Variants in KCTD8 observed in about 807,000 individuals in gnomAD.
KCTD8 encodes the protein BTB/POZ domain-containing protein KCTD8.
KCTD8 carries 27 observed loss-of-function variants against 31.5 expected under a neutral mutation model. The ratio of observed to expected loss-of-function variants is 0.86; its 90% CI spans 0.63 to 1.18. KCTD8 has a LOEUF of 1.18. Ranked by LOEUF, KCTD8 falls within the 50% of genes most tolerant of loss-of-function variation. KCTD8 has a pLI of 0.00. For synonymous variants in KCTD8, 290 were observed against 280.0 expected, an observed-to-expected ratio of 1.04 and a Z score of -0.36; for missense variants, 658 against 647.7, an observed-to-expected ratio of 1.02 and a Z score of -0.17.
At chr4:44,303,914 G>A (rs552509977) in intron 1 of KCTD8, among the ~76,000 whole-genome samples, 1 of 152,218 alleles carries the variant, frequency 6.6e-6, no homozygotes, top group Admixed American at 6.5e-5. Flanking sequence ...TAGCAGAAAA[G>A]GTATTGCCCT....
chr4:44,405,131 A>G (rs1421414203), intron 1 of KCTD8, among the ~76,000 whole-genome samples: 1 of 152,114 alleles, frequency 6.6e-6, no homozygotes, highest in Non-Finnish European at 1.5e-5. Flanking sequence ...TTTTGTTCCA[A>G]CCAAGGATTG....
At chr4:44,181,787 C>A (rs957425351) in intron 1 of KCTD8, among the ~76,000 whole-genome samples, 8 of 151,770 alleles carry the variant, frequency 5.3e-5, no homozygotes, top group Admixed American at 4.6e-4. Context: ...GCCGCCATCC[C>A]ATCTAGGAAG....
At position 44,447,606 on chromosome 4, in the gene KCTD8, G is replaced by C. The variant is rs1288614021; in HGVS notation, c.918C>G (p.Arg306=). 2 of 1,602,870 alleles carry C rather than the reference G, an allele frequency of 1.2e-6. No individual in the cohort carries two copies. The highest frequency in any genetic ancestry group is 2.3e-5 in the East Asian group (1 of 44,026). The change falls in exon 1 of 2, where the codon CGC becomes CGG. Residue 306 remains arginine, a synonymous_variant. Coordinates refer to ENST00000360029, the MANE Select transcript of KCTD8 (RefSeq NM_198353.3). ...TGTAGCTGCTCCAGATCTTGTCGTC[G>C]CGGTACTGGTTGACGAAGGCGGCGG... The part of the protein sequence containing the change: ...SGTAAFVNQY[R]DDKIWSSYTE...
chr4:44,448,180 T>C lies in KCTD8; in HGVS notation c.344A>G (p.Asp115Gly). 1 of 1,612,210 alleles carries C rather than the reference T, an allele frequency of 6.2e-7. No homozygotes were observed. The highest frequency in any genetic ancestry group is 8.5e-7 in the Non-Finnish European group (1 of 1,179,626). ...GTGCTCCGGCAGCGCGAGTTGCTTG[T>C]CCCGCAGATAATCCAGCACGTACCT... Reference protein sequence around the residue: ...LFRYVLDYLRDKQLALPEHFP... With the variant: ...LFRYVLDYLRGKQLALPEHFP... The change falls in exon 1 of 2, where the codon GAC becomes GGC. Residue 115 changes from aspartate (D) to glycine (G), a missense_variant. Transcript: ENST00000360029. This position sits in a 1 kb window ranked among gnomAD's most constrained non-coding sequence, Gnocchi z 4.1.
At chr4:44,375,022 C>T (rs890430667) in intron 1 of KCTD8, among the ~76,000 whole-genome samples, 1 of 152,044 alleles carries the variant, frequency 6.6e-6, no homozygotes, top group Non-Finnish European at 1.5e-5. Flanking sequence ...AAATAAAGTG[C>T]AGTAAAACAA....
chr4:44,268,118 G>A lies in KCTD8; in HGVS notation c.962-92868C>T, dbSNP rs574047450. Among the ~76,000 whole-genome samples, 11 of 152,296 alleles carry A rather than the reference G, an allele frequency of 7.2e-5. No individual in the cohort carries two copies. In the South Asian group the frequency reaches 1.9e-3, roughly 26 times the overall value. On this transcript the variant is annotated intron_variant, in intron 1 of 1. Transcript: ENST00000360029. The stretch of plus-strand genomic sequence containing the variant: ...AAGAGAATTTCAGACCAATTTCCTT[G>A]ATGAACATTGATGCAAAAATCCTCA...
chr4:44,360,511 A>G (rs1719467908), intron 1 of KCTD8, among the ~76,000 whole-genome samples: 1 of 152,080 alleles, frequency 6.6e-6, no homozygotes, highest in Admixed American at 6.5e-5. Flanking sequence ...GATGATTTTA[A>G]TTATCACTAC....
rs201344754 is a variant in KCTD8, at chr4:44,324,963, T to G, written c.961+122600A>C. ...AACTTTATTTTCTTTACCAGTGATA[T>G]AGCTGCCAACTCTATCGCACACCAC... is the stretch of plus-strand genomic sequence containing the variant. On this transcript the variant is annotated intron_variant, in intron 1 of 1. Transcript: ENST00000360029. 5.3e-5 allele frequency among the ~76,000 whole-genome samples: 8 copies of G among 152,132 alleles called. No individual in the cohort carries two copies. The East Asian group carries it at 1.5e-3, about 29-fold the overall frequency.
intron 1 of KCTD8, among the ~76,000 whole-genome samples, chr4:44,406,641 C>T (rs148333676): frequency 7.2e-5 from 11 of 152,182 alleles, no homozygotes; most frequent in Admixed American, 3.9e-4. Flanking sequence ...ACACACCTTG[C>T]CTTAACTCAA....
At chr4:44,332,913 G>A (rs1718627683) in intron 1 of KCTD8, among the ~76,000 whole-genome samples, 1 of 151,976 alleles carries the variant, frequency 6.6e-6, no homozygotes, top group African/African-American at 2.4e-5. Context: ...AATGTTTACA[G>A]GCATTGTCAA....
At chr4:44,280,076 C>G (rs1427445505) in intron 1 of KCTD8, among the ~76,000 whole-genome samples, 1 of 151,958 alleles carries the variant, frequency 6.6e-6, no homozygotes, top group Admixed American at 6.6e-5. Context: ...GGAGAAGACA[C>G]TATGAAATTT....
chr4:44,199,644 G>C (rs1283445577), intron 1 of KCTD8, among the ~76,000 whole-genome samples: 1 of 151,984 alleles, frequency 6.6e-6, no homozygotes, highest in Non-Finnish European at 1.5e-5. Context: ...CTTTGGTGCA[G>C]CCAAAGCAAT....
chr4:44,224,545 T>G (rs549759809), intron 1 of KCTD8, among the ~76,000 whole-genome samples: 1 of 152,138 alleles, frequency 6.6e-6, no homozygotes, highest in East Asian at 1.9e-4. Context: ...ATATATTTCT[T>G]GTGTGTGTAA....
intron 1 of KCTD8, among the ~76,000 whole-genome samples, chr4:44,383,697 A>C (rs1249488153): frequency 6.6e-6 from 1 of 152,062 alleles, no homozygotes; most frequent in Middle Eastern, 3.2e-3. Context: ...TAAATGTAAG[A>C]CCTGAACTAT....
intron 1 of KCTD8, among the ~76,000 whole-genome samples, chr4:44,297,155 C>A (rs1296160185): frequency 6.6e-6 from 1 of 151,816 alleles, no homozygotes; most frequent in Non-Finnish European, 1.5e-5. Flanking sequence ...CTGCAAAATA[C>A]TAAGTTAAAA....
chr4:44,251,798 A>G (rs768753224), intron 1 of KCTD8, among the ~76,000 whole-genome samples: 8 of 150,880 alleles, frequency 5.3e-5, no homozygotes, highest in Middle Eastern at 3.4e-3. Flanking sequence ...AACAGGATTG[A>G]AAAAAAAATC....
At chr4:44,408,886 G>A (rs1241910253) in intron 1 of KCTD8, among the ~76,000 whole-genome samples, 2 of 151,850 alleles carry the variant, frequency 1.3e-5, no homozygotes, top group Non-Finnish European at 2.9e-5. Context: ...CAAAGTGCTG[G>A]GATTACAGGT....
At chr4:44,286,238 A>T (rs1717064361) in intron 1 of KCTD8, among the ~76,000 whole-genome samples, 1 of 152,068 alleles carries the variant, frequency 6.6e-6, no homozygotes, top group African/African-American at 2.4e-5. Flanking sequence ...ATCTAGGCTC[A>T]GTCTGCTGAA....
At chr4:44,403,841 G>A (rs1343446616) in intron 1 of KCTD8, among the ~76,000 whole-genome samples, 2 of 151,858 alleles carry the variant, frequency 1.3e-5, no homozygotes, top group Admixed American at 6.6e-5. Flanking sequence ...TAATGTAAAG[G>A]GTAATAAAGA....
Sources: allele counts gnomAD v4.1 joint callset (sites outside exome capture counted in the v4.1 genomes callset), GRCh38; gene constraint gnomAD v4.1.1; non-coding constraint Gnocchi (gnomAD v3.1); transcripts MANE v1.5; gene names NCBI Gene and HGNC (gene_info 2026-07-23, HGNC 2026-07-21).